Variants in CLEC16A observed in about 807,000 individuals in gnomAD.
CLEC16A encodes the protein C-type lectin domain containing 16A.
CLEC16A carries 51 observed loss-of-function variants against 109.5 expected under a neutral mutation model. The observed-to-expected ratio is 0.47, with a 90% CI of 0.37 to 0.59. CLEC16A has a LOEUF of 0.59. Ranked by LOEUF, CLEC16A falls within the 20% of genes least tolerant of loss-of-function variation. CLEC16A has a pLI of 0.00. For missense variants in CLEC16A, 1,339 were observed against 1,394.0 expected (o/e 0.96, Z 0.63); for synonymous variants, 673 against 564.2 (o/e 1.19, Z -2.73).
intron 19 of CLEC16A, among the ~76,000 whole-genome samples, chr16:11,094,892 C>T (rs996274966): frequency 6.6e-6 from 1 of 152,172 alleles, no homozygotes; most frequent in Non-Finnish European, 1.5e-5. Flanking sequence ...GGCCTTTAAG[C>T]ACATAATGGA....
chr16:11,102,043 G>T (rs149264038), intron 19 of CLEC16A, among the ~76,000 whole-genome samples: 2 of 151,424 alleles, frequency 1.3e-5, no homozygotes, highest in African/African-American at 4.9e-5. Context: ...AAACTCTTGG[G>T]CTTGAGCAAT....
chr16:11,113,804 G>C (rs534086006), intron 19 of CLEC16A, among the ~76,000 whole-genome samples: 3 of 152,202 alleles, frequency 2.0e-5, no homozygotes, highest in Non-Finnish European at 4.4e-5. Context: ...TTACACAGAA[G>C]GAATAAACAC....
At chr16:11,097,554 A>G (rs2050676425) in intron 19 of CLEC16A, among the ~76,000 whole-genome samples, 2 of 152,108 alleles carry the variant, frequency 1.3e-5, no homozygotes, top group African/African-American at 4.8e-5. Context: ...GAGCACCGAC[A>G]CAGAACTGAG....
chr16:10,982,137 A>C (rs2043356976), intron 9 of CLEC16A, among the ~76,000 whole-genome samples: 1 of 152,232 alleles, frequency 6.6e-6, no homozygotes. Flanking sequence ...TTTAAAACAA[A>C]ATAGCAGGCA....
intron 10 of CLEC16A, among the ~76,000 whole-genome samples, chr16:10,984,832 G>A (rs1374786457): frequency 6.6e-6 from 1 of 152,190 alleles, no homozygotes; most frequent in Non-Finnish European, 1.5e-5. Flanking sequence ...CCTGGTCTCG[G>A]GCAGGTTGTT....
chr16:11,027,368 T>G (rs1597109161), intron 13 of CLEC16A: 2 of 1,402,116 alleles, frequency 1.4e-6, no homozygotes, highest in Non-Finnish European at 2.0e-6. Flanking sequence ...TAAAGAAAAT[T>G]TTTAGTGGTG....
At chr16:11,019,325 G>A (rs1280792251) in intron 11 of CLEC16A, among the ~76,000 whole-genome samples, 1 of 152,156 alleles carries the variant, frequency 6.6e-6, no homozygotes, top group African/African-American at 2.4e-5. Context: ...AAATAAAAAT[G>A]CACACCATGC....
intron 19 of CLEC16A, among the ~76,000 whole-genome samples, chr16:11,118,334 T>C (rs2052156330): frequency 6.6e-6 from 1 of 151,314 alleles, no homozygotes; most frequent in Non-Finnish European, 1.5e-5. Flanking sequence ...TTTCCCGCCT[T>C]TTCTCATTTA....
At chr16:11,094,605 T>C (rs2050498449) in intron 19 of CLEC16A, among the ~76,000 whole-genome samples, 1 of 152,228 alleles carries the variant, frequency 6.6e-6, no homozygotes, top group Non-Finnish European at 1.5e-5. Flanking sequence ...GAACTGACCT[T>C]GTGTGTCTCT....
chr16:11,156,586 C>G (rs2054531280), intron 22 of CLEC16A: 3 of 1,304,176 alleles, frequency 2.3e-6, no homozygotes, highest in Non-Finnish European at 3.0e-6. Context: ...CTGCTGACTG[C>G]CGCAGTAGAG....
At chr16:11,130,326 A>C (rs987377468) in intron 22 of CLEC16A, among the ~76,000 whole-genome samples, 1 of 152,194 alleles carries the variant, frequency 6.6e-6, no homozygotes, top group Non-Finnish European at 1.5e-5. Context: ...AGACAAGGAA[A>C]GTCCCTCTGG....
chr16:11,136,723 T>A (rs1046723698), intron 22 of CLEC16A, among the ~76,000 whole-genome samples: 1 of 152,204 alleles, frequency 6.6e-6, no homozygotes, highest in Non-Finnish European at 1.5e-5. Context: ...TCCTGTAATC[T>A]GCCTGAGGCC....
intron 1 of CLEC16A, among the ~76,000 whole-genome samples, chr16:10,957,479 C>T (rs1330120787): frequency 6.6e-6 from 1 of 152,212 alleles, no homozygotes; most frequent in African/African-American, 2.4e-5. Context: ...GCTCCAGGAG[C>T]CCCCACTTGA....
At chr16:11,163,354 C>T (rs969043125) in intron 22 of CLEC16A, among the ~76,000 whole-genome samples, 1 of 152,078 alleles carries the variant, frequency 6.6e-6, no homozygotes, top group African/African-American at 2.4e-5. Context: ...GGTCTCAGTG[C>T]CACTGGCAAA....
rs552268517 is a variant in CLEC16A, at chr16:11,075,380, G to C, written c.2116+14358G>C. Reference sequence around the variant, plus strand: ...CAGCACTGTGACCTTGGATATGTCTGTGTGTGTGTGTGTGTGTGTGTGTGT... The same window carrying C: ...CAGCACTGTGACCTTGGATATGTCTCTGTGTGTGTGTGTGTGTGTGTGTGT... On this transcript the variant is annotated intron_variant, in intron 19 of 23. Coordinates refer to ENST00000409790, the MANE Select transcript of CLEC16A (RefSeq NM_015226.3). Among the ~76,000 whole-genome samples, 142 of 104,434 alleles carry C rather than the reference G, an allele frequency of 1.4e-3. 1 individual carries two copies. The South Asian group carries it at 0.041, about 30-fold the overall frequency. The allele number at this position is 104,434 out of a possible 152,430, so 68.5% of individuals were successfully genotyped here.
intron 13 of CLEC16A, among the ~76,000 whole-genome samples, chr16:11,030,783 TAC>T (rs1299125302): frequency 6.6e-6 from 1 of 152,208 alleles, no homozygotes; most frequent in Non-Finnish European, 1.5e-5. Flanking sequence ...TAGCTGGGAC[TAC>T]AGGTGTGCGC....
chr16:10,993,580 G>T (rs894870709), intron 10 of CLEC16A, among the ~76,000 whole-genome samples: 1 of 152,152 alleles, frequency 6.6e-6, no homozygotes, highest in Admixed American at 6.5e-5. Context: ...ATCACCACTT[G>T]CAATTATGTT....
chr16:10,948,842 C>T (rs1192831911), intron 1 of CLEC16A, among the ~76,000 whole-genome samples: 3 of 152,168 alleles, frequency 2.0e-5, no homozygotes, highest in East Asian at 3.8e-4. Flanking sequence ...TTCAGGCAGG[C>T]TGCAGGCTTA....
intron 18 of CLEC16A, among the ~76,000 whole-genome samples, chr16:11,057,885 A>T (rs2048288802): frequency 2.0e-5 from 3 of 152,162 alleles, no homozygotes. Context: ...TGGTTTCCCC[A>T]TCTGTAAAAT....
Sources: gnomAD v4.1 joint callset for allele counts (sites outside exome capture counted in the v4.1 genomes callset) on GRCh38, gnomAD v4.1.1 for gene constraint, MANE v1.5 for transcripts, NCBI Gene and HGNC (gene_info 2026-07-23, HGNC 2026-07-21) for gene names.